SOS1: variants seen among roughly 807,000 people sequenced by gnomAD.
The protein encoded by SOS1 is SOS Ras/Rac guanine nucleotide exchange factor 1.
Under a neutral mutation model 157.6 loss-of-function variants are expected in SOS1, and 25 were observed. The ratio of observed to expected loss-of-function variants is 0.16; its 90% confidence interval spans 0.12 to 0.22. The LOEUF is 0.22. Among genes scored for constraint, SOS1 ranks in the 10% least tolerant of loss-of-function variants. The pLI, the probability that SOS1 is intolerant of heterozygous loss-of-function variation, is 1.00. For synonymous variants in SOS1, 528 were observed against 534.0 expected (o/e 0.99, Z 0.16); for missense variants, 1,237 against 1,599.1 (o/e 0.77, Z 3.86).
chr2:39,037,450 ATAT>A (rs1302547321), intron 6 of SOS1, among the ~76,000 whole-genome samples: 6 of 152,218 alleles, frequency 3.9e-5, no homozygotes. Flanking sequence ...TAAAACTATA[ATAT>A]TCTACTGTAT....
At chr2:38,997,915 T>G (rs1668953110) in intron 17 of SOS1, among the ~76,000 whole-genome samples, 1 of 152,222 alleles carries the variant, frequency 6.6e-6, no homozygotes, top group Admixed American at 6.5e-5. Flanking sequence ...GATCATAGTT[T>G]CTGCTTAGTC....
intron 6 of SOS1, among the ~76,000 whole-genome samples, chr2:39,040,672 G>C (rs1047549341): frequency 6.6e-6 from 1 of 152,158 alleles, no homozygotes; most frequent in Non-Finnish European, 1.5e-5. Context: ...CCATTTTTAA[G>C]CTGAATTATA....
Position 38,984,927 on chromosome 2 carries a change from T to C in SOS1, c.*897A>G, listed in dbSNP as rs1263911233. 2.0e-5 allele frequency: 3 copies of C among 152,256 alleles called. No individual in the cohort carries two copies. The highest frequency in any genetic ancestry group is 2.1e-4 in the South Asian group (1 of 4,828). 9.4% of individuals were successfully genotyped at this position (152,256 alleles called of 1,614,324 possible). On this transcript the variant is annotated 3_prime_UTR_variant, in exon 23 of 23. Coordinates refer to ENST00000402219, the MANE Select transcript of SOS1 (RefSeq NM_005633.4). ...TTCACATTGGGTGCCTGCATTTCCA[T>C]GGTATGGTTAGAGGGATAGCTACGA...
chr2:39,079,669 A>C (rs1431615953), intron 1 of SOS1, among the ~76,000 whole-genome samples: 1 of 151,482 alleles, frequency 6.6e-6, no homozygotes, highest in Non-Finnish European at 1.5e-5. Context: ...TAATTTTTGT[A>C]TTTTTAGTAG....
chr2:39,037,039 T>A (rs1670380364), intron 6 of SOS1, among the ~76,000 whole-genome samples: 1 of 152,210 alleles, frequency 6.6e-6, no homozygotes, highest in Admixed American at 6.5e-5. Flanking sequence ...ACGTGAGTTC[T>A]GGTTGTTGCA....
At chr2:39,038,351 T>C (rs1670428950) in intron 6 of SOS1, among the ~76,000 whole-genome samples, 1 of 152,068 alleles carries the variant, frequency 6.6e-6, no homozygotes, top group African/African-American at 2.4e-5. Context: ...AGAAATAGGA[T>C]TAGAAGTGGA....
At chr2:39,098,792 G>A (rs1383671952) in intron 1 of SOS1, among the ~76,000 whole-genome samples, 2 of 152,190 alleles carry the variant, frequency 1.3e-5, no homozygotes, top group African/African-American at 2.4e-5. Context: ...AGGAGGCTGA[G>A]GCAGGAGAAT....
At chr2:39,080,168 C>G (rs1241454587) in intron 1 of SOS1, among the ~76,000 whole-genome samples, 1 of 151,824 alleles carries the variant, frequency 6.6e-6, no homozygotes, top group African/African-American at 2.4e-5. Context: ...TTTTCTGCAA[C>G]TAGATGGTCC....
Position 39,022,980 on chromosome 2 carries a change from G to A in SOS1, c.1448C>T (p.Ala483Val). The A allele has an allele frequency of 6.2e-7, 1 of 1,613,736 alleles. No homozygotes were observed. Among genetic ancestry groups the A allele is most frequent in the Non-Finnish European group, 8.5e-7 (1 of 1,179,810 alleles). ...SNHGQPRLPG[A>V]SNAEYRLKEK... ...TTTAAGACGATATTCTGCATTGCTAGCACCAGGAAGTCTTGGCTGCCCATG... is the reference window on the plus strand; with the variant it reads ...TTTAAGACGATATTCTGCATTGCTAACACCAGGAAGTCTTGGCTGCCCATG... Residue 483 changes from alanine to valine, a missense_variant, in exon 10 of 23, where the codon GCT becomes GTT. Around this residue, in one of 15 missense-constraint regions of SOS1, gnomAD observed 210 missense variants for 220.2 expected, o/e 0.95. Transcript: ENST00000402219.
At chr2:39,107,703 A>G (rs757689220) in intron 1 of SOS1, among the ~76,000 whole-genome samples, 16 of 151,738 alleles carry the variant, frequency 1.1e-4, no homozygotes, top group Non-Finnish European at 1.9e-4. Context: ...TACATTAACT[A>G]TTTCTAAAAT....
At chr2:39,110,430 C>CGT (rs1558518531) in intron 1 of SOS1, among the ~76,000 whole-genome samples, 7 of 151,764 alleles carry the variant, frequency 4.6e-5, no homozygotes, top group African/African-American at 1.7e-4. Context: ...TACATACACA[C>CGT]GAATCATGTA....
chr2:39,046,762 C>G (rs1483451680), intron 6 of SOS1, among the ~76,000 whole-genome samples: 3 of 152,130 alleles, frequency 2.0e-5, no homozygotes, highest in African/African-American at 7.2e-5. Context: ...CTTGGCCTCC[C>G]AAAGTGCTGG....
intron 8 of SOS1, among the ~76,000 whole-genome samples, chr2:39,029,521 G>A (rs1272190441): frequency 6.6e-6 from 1 of 152,096 alleles, no homozygotes; most frequent in East Asian, 1.9e-4. Flanking sequence ...CTACTCAGGA[G>A]GCTGAGGTAG....
At chr2:39,073,728 T>G (rs528108041) in intron 1 of SOS1, among the ~76,000 whole-genome samples, 1 of 152,300 alleles carries the variant, frequency 6.6e-6, no homozygotes, top group South Asian at 2.1e-4. Flanking sequence ...ATACATGAGT[T>G]CTCCAAGTGT....
intron 1 of SOS1, among the ~76,000 whole-genome samples, chr2:39,112,039 T>C (rs2148226572): frequency 6.6e-6 from 1 of 152,262 alleles, no homozygotes; most frequent in Admixed American, 6.5e-5. Flanking sequence ...TCATCTCTAA[T>C]CACATCCCCT....
chr2:39,027,531 G>A lies in SOS1; in HGVS notation c.1075-3394C>T, dbSNP rs190627716. Among the ~76,000 whole-genome samples, 206 of 152,074 alleles carry A rather than the reference G, an allele frequency of 1.4e-3. 1 individual carries two copies. The highest frequency in any genetic ancestry group is 4.5e-3 in the African/African-American group (188 of 41,452). ...TACTTAACATAGCTAATTTAAACTTGGCACTGGTGCAATATAATTCAAGCT... is the reference window on the plus strand; with the variant it reads ...TACTTAACATAGCTAATTTAAACTTAGCACTGGTGCAATATAATTCAAGCT... On this transcript the variant is annotated intron_variant, in intron 8 of 22. Transcript: ENST00000402219.
At chr2:39,063,472 A>G (rs1671481750) in intron 2 of SOS1, among the ~76,000 whole-genome samples, 1 of 152,236 alleles carries the variant, frequency 6.6e-6, no homozygotes, top group Non-Finnish European at 1.5e-5. Context: ...GCACGACTCT[A>G]CTTCCTTATT....
chr2:38,991,108 ATTTTT>A (rs1361183446), intron 20 of SOS1, among the ~76,000 whole-genome samples: 3 of 151,602 alleles, frequency 2.0e-5, no homozygotes, highest in Non-Finnish European at 4.4e-5. Context: ...GGGCCTACAT[ATTTTT>A]TTTAAGCTCC....
chr2:39,006,125 C>G (rs955389231), intron 17 of SOS1, among the ~76,000 whole-genome samples: 1 of 152,018 alleles, frequency 6.6e-6, no homozygotes, highest in African/African-American at 2.4e-5. Flanking sequence ...TATGCCTCTG[C>G]TGTATTTAGT....
Sources: allele counts gnomAD v4.1 joint callset (sites outside exome capture counted in the v4.1 genomes callset), GRCh38; gene constraint gnomAD v4.1.1; regional missense constraint gnomAD v4.1.1; transcripts MANE v1.5; gene names NCBI Gene and HGNC (gene_info 2026-07-23, HGNC 2026-07-21).